The following CACNA2D3 variants were observed in gnomAD, a reference collection of about 807,000 sequenced individuals.
CACNA2D3 encodes calcium voltage-gated channel auxiliary subunit alpha2delta 3.
In CACNA2D3, 60 loss-of-function variants were observed where a neutral mutation model predicts 160.6. The ratio of observed to expected loss-of-function variants is 0.37; its 90% CI spans 0.30 to 0.46. CACNA2D3 has a LOEUF of 0.46. Among genes scored for constraint, CACNA2D3 ranks in the 20% least tolerant of loss-of-function variants. The pLI is 1.00. For missense variants in CACNA2D3, 1,205 were observed against 1,365.0 expected (o/e 0.88, Z 1.85); for synonymous variants, 558 against 492.9 (o/e 1.13, Z -1.75).
intron 2 of CACNA2D3, among the ~76,000 whole-genome samples, chr3:54,319,224 C>G (rs181967286): frequency 3.7e-4 from 55 of 150,372 alleles, no homozygotes; most frequent in African/African-American, 1.3e-3. Context: ...CAAGGAGAAA[C>G]TGAGCCTCCC....
chr3:54,471,340 TC>T (rs1424866309), intron 4 of CACNA2D3, among the ~76,000 whole-genome samples: 2 of 152,184 alleles, frequency 1.3e-5, no homozygotes, highest in Non-Finnish European at 2.9e-5. Context: ...ATATATAAGT[TC>T]TTTGAAACCA....
chr3:54,865,941 A>C (rs62254527), intron 17 of CACNA2D3, among the ~76,000 whole-genome samples: 1 of 151,882 alleles, frequency 6.6e-6, no homozygotes, highest in Non-Finnish European at 1.5e-5. Flanking sequence ...TGAGGCACAG[A>C]GACGTGCACA....
chr3:54,722,868 G>A (rs1701195611), intron 11 of CACNA2D3, among the ~76,000 whole-genome samples: 1 of 152,154 alleles, frequency 6.6e-6, no homozygotes, highest in Non-Finnish European at 1.5e-5. Flanking sequence ...GGATACATGG[G>A]GGTCAGGGAC....
intron 3 of CACNA2D3, among the ~76,000 whole-genome samples, chr3:54,348,019 T>C (rs9841979): frequency 0.16 from 23,708 of 152,208 alleles, 2,084 homozygotes; most frequent in Admixed American, 0.25. Context: ...TATGTATGTA[T>C]GTGAATACAA....
chr3:54,794,567 A>C (rs965359454), intron 13 of CACNA2D3, among the ~76,000 whole-genome samples: 1 of 149,484 alleles, frequency 6.7e-6, no homozygotes, highest in Non-Finnish European at 1.5e-5. Context: ...AATTTTTCCT[A>C]TAGTTCACCT....
chr3:54,879,674 G>A (rs763935134), intron 20 of CACNA2D3, among the ~76,000 whole-genome samples: 5 of 152,196 alleles, frequency 3.3e-5, no homozygotes, highest in East Asian at 3.9e-4. Context: ...GGGGGTTCCC[G>A]CTAAGGGTGA....
chr3:54,340,018 G>T (rs1464695351), intron 3 of CACNA2D3, among the ~76,000 whole-genome samples: 1 of 152,108 alleles, frequency 6.6e-6, no homozygotes, highest in African/African-American at 2.4e-5. Flanking sequence ...AGTCCATAGT[G>T]GTTATCTCAC....
rs1264336297 is a variant in CACNA2D3 at position 54,780,068 on chromosome 3, TA to T, written c.1380+15718del. ...TGTTTGTTTCTCCCTGTCTGTACTA[TA>T]CTTTTCCTAAAAAACGGTACAATGA... is the stretch of plus-strand genomic sequence containing the variant. On this transcript the variant is annotated intron_variant, in intron 13 of 37. Transcript: ENST00000474759. 8.5e-5 allele frequency among the ~76,000 whole-genome samples: 13 copies of T among 152,322 alleles called. No homozygotes were observed. The East Asian group carries it at 2.5e-3, about 29-fold the overall frequency.
intron 4 of CACNA2D3, among the ~76,000 whole-genome samples, chr3:54,425,783 A>G (rs1699904026): frequency 6.6e-6 from 1 of 152,224 alleles, no homozygotes; most frequent in Non-Finnish European, 1.5e-5. Context: ...AAGGCTAGAG[A>G]AGGGATGAGT....
intron 4 of CACNA2D3, among the ~76,000 whole-genome samples, chr3:54,411,659 T>A (rs1699670089): frequency 6.6e-6 from 1 of 152,180 alleles, no homozygotes; most frequent in African/African-American, 2.4e-5. Context: ...AACAAAAAAA[T>A]TCATGTGATT....
intron 33 of CACNA2D3, among the ~76,000 whole-genome samples, chr3:55,008,863 G>C (rs1402396131): frequency 7.5e-6 from 1 of 132,812 alleles, no homozygotes; most frequent in Non-Finnish European, 1.7e-5. Flanking sequence ...ATTTCATAGA[G>C]AGAAGTCTGT....
chr3:54,143,681 A>G (rs779721365), intron 2 of CACNA2D3, among the ~76,000 whole-genome samples: 12 of 149,204 alleles, frequency 8.0e-5, no homozygotes, highest in Admixed American at 6.7e-5. Context: ...TTGTATTTTT[A>G]GTAGAGACGG....
chr3:54,470,983 C>T (rs762877686), intron 4 of CACNA2D3, among the ~76,000 whole-genome samples: 17 of 152,138 alleles, frequency 1.1e-4, no homozygotes, highest in Non-Finnish European at 1.8e-4. Flanking sequence ...TAACATACCA[C>T]TGTCAATATT....
At chr3:55,014,122 A>C (rs1322832223) in intron 34 of CACNA2D3, among the ~76,000 whole-genome samples, 1 of 152,234 alleles carries the variant, frequency 6.6e-6, no homozygotes, top group Non-Finnish European at 1.5e-5. Flanking sequence ...CTTCATCTGC[A>C]AAATGGGACA....
At chr3:54,626,448 C>G (rs552569211) in intron 9 of CACNA2D3, 2 of 1,595,258 alleles carry the variant, frequency 1.3e-6, no homozygotes, top group South Asian at 1.1e-5. Context: ...TGAAGACGCA[C>G]CTGCGTGACG....
At chr3:54,988,434 C>T (rs1702664738) in intron 31 of CACNA2D3, among the ~76,000 whole-genome samples, 2 of 152,214 alleles carry the variant, frequency 1.3e-5, no homozygotes. Flanking sequence ...GAAAAGCCAT[C>T]ATCCCATGAG....
intron 5 of CACNA2D3, among the ~76,000 whole-genome samples, chr3:54,536,382 G>A (rs1701889317): frequency 6.6e-6 from 1 of 152,178 alleles, no homozygotes; most frequent in Non-Finnish European, 1.5e-5. Flanking sequence ...GAATATTTAT[G>A]GTTAGGTTGG....
At chr3:54,244,226 A>G (rs1378548615) in intron 2 of CACNA2D3, among the ~76,000 whole-genome samples, 1 of 152,108 alleles carries the variant, frequency 6.6e-6, no homozygotes, top group East Asian at 1.9e-4. Flanking sequence ...GATGAGCAAA[A>G]CTAGTCTGGG....
rs202033111 is a variant in CACNA2D3, at chr3:54,529,207, C to CT, written c.544+25562dup. Among the ~76,000 whole-genome samples, 431 of 151,840 alleles carry CT rather than the reference C, an allele frequency of 2.8e-3. 4 individuals are homozygous for CT. Among genetic ancestry groups the CT allele is most frequent in the African/African-American group, 9.7e-3 (401 of 41,438 alleles). ...TCTCATTTATAGATGTCCTTCTACACTTTTTTTTTGTATAAACGTGGGCTC... is the reference window on the plus strand; with the variant it reads ...TCTCATTTATAGATGTCCTTCTACACTTTTTTTTTTGTATAAACGTGGGCTC... On this transcript the variant is annotated intron_variant, in intron 5 of 37. Coordinates refer to ENST00000474759, the MANE Select transcript of CACNA2D3 (RefSeq NM_018398.3).
Sources: gnomAD v4.1 joint callset for allele counts (sites outside exome capture counted in the v4.1 genomes callset) on GRCh38, gnomAD v4.1.1 for gene constraint, MANE v1.5 for transcripts, NCBI Gene and HGNC (gene_info 2026-07-23, HGNC 2026-07-21) for gene names.